The following FSTL4 variants were observed in gnomAD, a reference collection of about 807,000 sequenced individuals.
FSTL4 encodes follistatin like 4, also known as follistatin-related protein 4.
In FSTL4, 28 loss-of-function variants were observed where a neutral mutation model predicts 78.2. The ratio of observed to expected loss-of-function variants is 0.36; its 90% CI spans 0.27 to 0.49. FSTL4 has a LOEUF of 0.49. Ranked by LOEUF, FSTL4 falls within the 20% of genes least tolerant of loss-of-function variation. The pLI, the probability that FSTL4 is intolerant of heterozygous loss-of-function variation, is 0.98. For missense variants in FSTL4, 922 were observed against 1,084.9 expected (o/e 0.85, Z 2.11); for synonymous variants, 422 against 440.5 (o/e 0.96, Z 0.53).
At chr5:133,359,402 T>C (rs1399789554) in intron 4 of FSTL4, among the ~76,000 whole-genome samples, 2 of 152,234 alleles carry the variant, frequency 1.3e-5, no homozygotes, top group African/African-American at 4.8e-5. Context: ...ATAAAGGTGA[T>C]GAATTTCAAA....
At chr5:133,470,652 G>A (rs538577465) in intron 3 of FSTL4, among the ~76,000 whole-genome samples, 58 of 152,134 alleles carry the variant, frequency 3.8e-4, no homozygotes, top group Admixed American at 1.2e-3. Context: ...GGCTGAGGCA[G>A]GAGAATCGCT....
intron 3 of FSTL4, among the ~76,000 whole-genome samples, chr5:133,438,336 G>A (rs1228338502): frequency 6.6e-6 from 1 of 152,188 alleles, no homozygotes; most frequent in African/African-American, 2.4e-5. Flanking sequence ...GATTTAATTT[G>A]TTCTTCCAGA....
chr5:133,452,731 C>G (rs1316222810), intron 3 of FSTL4, among the ~76,000 whole-genome samples: 1 of 152,270 alleles, frequency 6.6e-6, no homozygotes, highest in Non-Finnish European at 1.5e-5. Flanking sequence ...AAAGCAGGAG[C>G]TGTGCTTGGG....
At chr5:133,330,732 G>A (rs1754325538) in intron 4 of FSTL4, among the ~76,000 whole-genome samples, 1 of 152,046 alleles carries the variant, frequency 6.6e-6, no homozygotes, top group Non-Finnish European at 1.5e-5. Context: ...GATAATAAAG[G>A]GGGGCTTTAC....
chr5:133,529,694 A>G (rs1759211040), intron 3 of FSTL4, among the ~76,000 whole-genome samples: 1 of 152,172 alleles, frequency 6.6e-6, no homozygotes, highest in African/African-American at 2.4e-5. Context: ...TTCTGGTTCT[A>G]AACCCTCTCC....
rs145642449 is a variant in FSTL4 at position 133,478,505 on chromosome 5, T to C, written c.161-77519A>G. Reference sequence around the variant, plus strand: ...ATTTTGCTGTAGTTGTTAGAATGCATTCCCCATATTACAGGCTTGCAAATT... The same window carrying C: ...ATTTTGCTGTAGTTGTTAGAATGCACTCCCCATATTACAGGCTTGCAAATT... On this transcript the variant is annotated intron_variant, in intron 3 of 15. Coordinates refer to ENST00000265342, the MANE Select transcript of FSTL4 (RefSeq NM_015082.2). Among the ~76,000 whole-genome samples the C allele has an allele frequency of 2.8e-3, 421 of 152,326 alleles. 1 individual carries two copies. Among genetic ancestry groups the C allele is most frequent in the African/African-American group, 9.8e-3 (409 of 41,570 alleles).
chr5:133,319,352 G>C (rs1373223181), intron 4 of FSTL4, among the ~76,000 whole-genome samples: 1 of 152,222 alleles, frequency 6.6e-6, no homozygotes, highest in African/African-American at 2.4e-5. Context: ...CCTTTTACCA[G>C]TATTTATTTA....
At chr5:133,556,362 T>C (rs1462043451) in intron 3 of FSTL4, among the ~76,000 whole-genome samples, 1 of 152,212 alleles carries the variant, frequency 6.6e-6, no homozygotes, top group Non-Finnish European at 1.5e-5. Context: ...ACAGAATTTA[T>C]AGTAAAGGAC....
At chr5:133,222,021 C>G (rs1442602873) in intron 11 of FSTL4, among the ~76,000 whole-genome samples, 2 of 141,882 alleles carry the variant, frequency 1.4e-5, no homozygotes, top group Admixed American at 1.5e-4. Context: ...CACTGTTTTA[C>G]TTTTTTCCAA....
At chr5:133,387,383 G>A (rs700712) in intron 4 of FSTL4, among the ~76,000 whole-genome samples, 81,859 of 151,890 alleles carry the variant, frequency 0.54, 22,687 homozygotes, top group East Asian at 0.82. Flanking sequence ...AGCCCCTGGC[G>A]GTGGGCTGGC....
intron 4 of FSTL4, among the ~76,000 whole-genome samples, chr5:133,395,173 C>G (rs1005395600): frequency 6.6e-6 from 1 of 152,130 alleles, no homozygotes; most frequent in Non-Finnish European, 1.5e-5. Context: ...CAGTGGCAAC[C>G]TGGGTCCCCT....
At chr5:133,376,306 A>G (rs73265694) in intron 4 of FSTL4, among the ~76,000 whole-genome samples, 1,736 of 152,334 alleles carry the variant, frequency 0.011, 32 homozygotes, top group African/African-American at 0.039. Flanking sequence ...AGTATTGTAG[A>G]TCTCTGGGGG....
chr5:133,294,397 G>A (rs916847677), intron 6 of FSTL4, among the ~76,000 whole-genome samples: 2 of 152,156 alleles, frequency 1.3e-5, no homozygotes, highest in African/African-American at 4.8e-5. Context: ...GGCATAAAAA[G>A]AGACCCTGCC....
chr5:133,498,376 A>C (rs1178517177), intron 3 of FSTL4, among the ~76,000 whole-genome samples: 1 of 152,184 alleles, frequency 6.6e-6, no homozygotes, highest in Non-Finnish European at 1.5e-5. Context: ...CAGACTCTAT[A>C]CATCTATACA....
At chr5:133,704,146 G>A in the FSTL4 span, among the ~76,000 whole-genome samples, 1 of 152,120 alleles carries the variant, frequency 6.6e-6, no homozygotes, top group South Asian at 2.1e-4. Context: ...GGTAGCAGAG[G>A]GCCCTCTCTG....
the FSTL4 span, among the ~76,000 whole-genome samples, chr5:133,794,054 T>C: frequency 6.6e-6 from 1 of 152,200 alleles, no homozygotes; most frequent in Non-Finnish European, 1.5e-5. Flanking sequence ...CCGCTTGCCC[T>C]TTCCTGGGAG....
chr5:133,640,757 C>T, the FSTL4 span, among the ~76,000 whole-genome samples: 278 of 152,274 alleles, frequency 1.8e-3, 1 homozygote, highest in Middle Eastern at 0.01. Context: ...CATGTATGTA[C>T]AGCCAATATG....
chr5:133,590,093 C>CTTTATTTATTTA (rs60216054), intron 2 of FSTL4, among the ~76,000 whole-genome samples: 11,112 of 149,038 alleles, frequency 0.075, 458 homozygotes, highest in East Asian at 0.1. Context: ...GGAATCTCCT[C>CTTTATTTATTTA]TTTATTTATT....
At chr5:133,383,245 A>G (rs925407136) in intron 4 of FSTL4, among the ~76,000 whole-genome samples, 2 of 152,112 alleles carry the variant, frequency 1.3e-5, no homozygotes, top group South Asian at 2.1e-4. Flanking sequence ...GGTGCTTCCC[A>G]GGTACCATCT....
Sources: allele counts gnomAD v4.1 joint callset (sites outside exome capture counted in the v4.1 genomes callset), GRCh38; gene constraint gnomAD v4.1.1; transcripts MANE v1.5; gene names NCBI Gene and HGNC (gene_info 2026-07-23, HGNC 2026-07-21).